RELN: variants seen among roughly 807,000 people sequenced by gnomAD.
RELN encodes the protein reelin.
A neutral mutation model predicts 427.6 loss-of-function variants in RELN; 108 were observed. That is an observed-to-expected ratio of 0.25 (90% CI 0.22 to 0.30). The LOEUF (loss-of-function observed/expected upper bound fraction) is 0.30. Ranked by LOEUF, RELN falls within the 10% of genes least tolerant of loss-of-function variation. RELN has a pLI of 1.00. For missense variants in RELN, 3,715 were observed against 4,302.8 expected, an observed-to-expected ratio of 0.86 and a Z score of 3.82; for synonymous variants, 1,524 against 1,513.4, an observed-to-expected ratio of 1.01 and a Z score of -0.16.
chr7:103,748,306 A>G, intron 6 of RELN, among the ~76,000 whole-genome samples: 2 of 152,118 alleles, frequency 1.3e-5, no homozygotes, highest in South Asian at 4.1e-4. Context: ...ATTTTTTTCT[A>G]TATTTATACT....
intron 2 of RELN, among the ~76,000 whole-genome samples, chr7:103,834,469 A>T (rs1182139850): frequency 6.6e-6 from 1 of 152,184 alleles, no homozygotes. Context: ...CATGTTCAAA[A>T]TGAGAACATC....
chr7:103,553,959 G>C (rs1034561388), intron 38 of RELN, 128 bp from the exon 39 acceptor site: 1 of 773,252 alleles, frequency 1.3e-6, no homozygotes, highest in African/African-American at 1.7e-5. Context: ...CCTTCTACAG[G>C]AGGATTGTTT....
rs1796338499 is a variant in RELN at position 103,951,812 on chromosome 7, A to C, written c.227-34627T>G. On this transcript the variant is annotated intron_variant, in intron 1 of 64. Coordinates refer to ENST00000428762, the MANE Select transcript of RELN (RefSeq NM_005045.4). ...CTCAGCCTCCCAAGTAGTTGGGATTACAGGCACATGCAACAATGCCTGGCT... is the reference window on the plus strand; with the variant it reads ...CTCAGCCTCCCAAGTAGTTGGGATTCCAGGCACATGCAACAATGCCTGGCT... Among the ~76,000 whole-genome samples, 3 of 152,242 alleles carry C rather than the reference A, an allele frequency of 2.0e-5. No individual in the cohort carries two copies. The South Asian group carries it at 6.2e-4, about 32-fold the overall frequency.
intron 44 of RELN, among the ~76,000 whole-genome samples, chr7:103,539,858 T>C (rs926059300): frequency 6.6e-6 from 1 of 152,242 alleles, no homozygotes; most frequent in Non-Finnish European, 1.5e-5. Flanking sequence ...AACTACTGCA[T>C]GTGGCACCAA....
At position 103,850,625 on chromosome 7, in the gene RELN, C is replaced by T. The variant is rs567297875; in HGVS notation, c.338-16953G>A. Among the ~76,000 whole-genome samples the T allele has an allele frequency of 4.6e-5, 7 of 152,302 alleles. No homozygotes were observed. The South Asian group carries it at 1.5e-3, about 32-fold the overall frequency. The stretch of plus-strand genomic sequence containing the variant: ...CCAGAACTCAGGGGAGGGCACAAAT[C>T]AGGCATGCAGACTTCACAGACGGGG... On this transcript the variant is annotated intron_variant, in intron 2 of 64. Coordinates refer to ENST00000428762, the MANE Select transcript of RELN (RefSeq NM_005045.4).
chr7:103,480,506 G>A (rs1001571529), intron 63 of RELN, among the ~76,000 whole-genome samples: 4 of 152,064 alleles, frequency 2.6e-5, no homozygotes, highest in Non-Finnish European at 4.4e-5. Context: ...AGGGTAGAGT[G>A]GTGTAGAAAT....
At chr7:103,893,581 G>C (rs936751749) in intron 2 of RELN, among the ~76,000 whole-genome samples, 3 of 152,216 alleles carry the variant, frequency 2.0e-5, no homozygotes, top group Admixed American at 1.3e-4. Context: ...TGTATATATA[G>C]ATATCCGAAC....
rs1221029844 is a variant in RELN at position 103,578,398 on chromosome 7, T to C, written c.4146-2693A>G. On this transcript the variant is annotated intron_variant, in intron 28 of 64. Coordinates refer to ENST00000428762, the MANE Select transcript of RELN (RefSeq NM_005045.4). ...GGTAAGTCCAGAACATGGTGAATCA[T>C]AGCTTAGAGTCCTAGATAGAAGACT... 2.0e-5 allele frequency among the ~76,000 whole-genome samples: 3 copies of C among 152,298 alleles called. 1 individual carries two copies. The highest frequency in any genetic ancestry group is 6.8e-3 in the Middle Eastern group (2 of 294).
At chr7:103,719,961 A>C (rs1380482412) in intron 8 of RELN, among the ~76,000 whole-genome samples, 1 of 152,178 alleles carries the variant, frequency 6.6e-6, no homozygotes, top group Non-Finnish European at 1.5e-5. Flanking sequence ...TTCATCTTGC[A>C]GAACTGCATT....
At chr7:103,981,086 A>G (rs1796984028) in intron 1 of RELN, among the ~76,000 whole-genome samples, 1 of 152,234 alleles carries the variant, frequency 6.6e-6, no homozygotes, top group African/African-American at 2.4e-5. Context: ...TCCTATGTCA[A>G]TATGTAATAA....
intron 2 of RELN, among the ~76,000 whole-genome samples, chr7:103,911,694 G>T (rs1428109974): frequency 1.1e-4 from 16 of 146,054 alleles, no homozygotes; most frequent in African/African-American, 3.8e-4. Flanking sequence ...ATGAGTTCAT[G>T]TCCTTTGTAG....
rs1429778478 is a variant in RELN, at chr7:103,575,704, T to C, written c.4147A>G (p.Lys1383Glu). 1.2e-6 allele frequency: 2 copies of C among 1,614,064 alleles called. No homozygotes were observed. Among genetic ancestry groups the C allele is most frequent in the Non-Finnish European group, 1.7e-6 (2 of 1,180,022 alleles). Residue 1383 changes from lysine to glutamate, a missense_variant and splice_region_variant, in exon 29 of 65, where the codon AAG becomes GAG. Physicochemically the swap from Lys to Glu is moderately conservative, Grantham distance 56. Coordinates refer to ENST00000428762, the MANE Select transcript of RELN (RefSeq NM_005045.4). ...IVIPRSLASSKTRFRWIQESS... is the reference protein window; with the variant it reads ...IVIPRSLASSETRFRWIQESS... ...TCCTGGATCCATCGGAATCTGGTCT[T>C]GCTGTTGGGAAAAACAACACACCTG...
chr7:103,698,420 AC>A (rs1298500601), intron 9 of RELN, among the ~76,000 whole-genome samples: 12 of 152,356 alleles, frequency 7.9e-5, no homozygotes, highest in Admixed American at 6.5e-4. Context: ...TAAAAAAATT[AC>A]AAATCACAAA....
chr7:103,525,381 A>G (rs1287272552), intron 46 of RELN, among the ~76,000 whole-genome samples: 1 of 152,192 alleles, frequency 6.6e-6, no homozygotes, highest in Non-Finnish European at 1.5e-5. Flanking sequence ...TAAGGAGAGC[A>G]GGGTTGATTC....
chr7:103,641,453 T>C (rs1272860357), intron 16 of RELN, among the ~76,000 whole-genome samples: 2 of 152,196 alleles, frequency 1.3e-5, no homozygotes, highest in Admixed American at 1.3e-4. Flanking sequence ...CAATGAATTG[T>C]AGGCCAATGG....
At chr7:103,921,251 A>C (rs565426926) in intron 1 of RELN, among the ~76,000 whole-genome samples, 1 of 152,346 alleles carries the variant, frequency 6.6e-6, no homozygotes, top group South Asian at 2.1e-4. Flanking sequence ...TAACACCCAC[A>C]AGTTATCCAT....
At chr7:103,674,390 T>C (rs185233008) in intron 11 of RELN, among the ~76,000 whole-genome samples, 3,055 of 152,092 alleles carry the variant, frequency 0.02, 48 homozygotes, top group South Asian at 0.049. Context: ...TTTAGTTTAA[T>C]GCTTTCTTTT....
intron 60 of RELN, among the ~76,000 whole-genome samples, chr7:103,488,131 AG>A (rs1344974500): frequency 6.9e-6 from 1 of 145,688 alleles, no homozygotes; most frequent in Non-Finnish European, 1.5e-5. Flanking sequence ...CTGGGCAACA[AG>A]AGTGAAAACT....
intron 11 of RELN, among the ~76,000 whole-genome samples, chr7:103,674,386 T>G (rs969117584): frequency 2.0e-5 from 3 of 152,084 alleles, no homozygotes; most frequent in African/African-American, 7.2e-5. Context: ...GTCCTTTAGT[T>G]TAATGCTTTC....
Sources: gnomAD v4.1 joint callset for allele counts (sites outside exome capture counted in the v4.1 genomes callset) on GRCh38, gnomAD v4.1.1 for gene constraint, MANE v1.5 for transcripts, NCBI Gene and HGNC (gene_info 2026-07-23, HGNC 2026-07-21) for gene names.